The following STARD13 variants were observed in gnomAD, a reference collection of about 807,000 sequenced individuals.
The protein encoded by STARD13 is StAR related lipid transfer domain containing 13.
A neutral mutation model predicts 106.4 loss-of-function variants in STARD13; 62 were observed. That is an observed-to-expected ratio of 0.58 (90% confidence interval 0.48 to 0.72). STARD13 has a LOEUF of 0.72. STARD13 is among the 30% of genes least tolerant of loss of function. The pLI is 0.00. For missense variants in STARD13, 1,387 were observed against 1,424.0 expected (o/e 0.97, Z 0.42); for synonymous variants, 565 against 553.0 (o/e 1.02, Z -0.31).
rs146942116 is a variant in STARD13, at chr13:33,187,636, TA to T, written c.170-20015del. ...TAATAAAAGGATATTTTTACTATGG[TA>T]AAAAAAAAATTAAATGAAGCATCTT... On this transcript the variant is annotated intron_variant, in intron 1 of 13. Transcript: ENST00000336934. Among the ~76,000 whole-genome samples the T allele has an allele frequency of 3.6e-3, 542 of 150,226 alleles. 4 individuals carry two copies. The highest frequency in any genetic ancestry group is 6.8e-3 in the African/African-American group (280 of 40,934).
At chr13:33,301,089 T>G (rs559536951) in intron 1 of STARD13, among the ~76,000 whole-genome samples, 1 of 152,366 alleles carries the variant, frequency 6.6e-6, no homozygotes, top group South Asian at 2.1e-4. Flanking sequence ...TTGATTAATA[T>G]CTGTCTATTC....
chr13:33,447,590 G>A, the STARD13 span, among the ~76,000 whole-genome samples: 2 of 152,092 alleles, frequency 1.3e-5, no homozygotes. Context: ...ATGCTTATCT[G>A]GAAGCATCAG....
chr13:33,565,854 A>G, the STARD13 span, among the ~76,000 whole-genome samples: 922 of 148,618 alleles, frequency 6.2e-3, 87 homozygotes, highest in African/African-American at 0.022. Flanking sequence ...GTTGAAATCA[A>G]TGTCACCTTC....
At chr13:33,649,407 C>T in the STARD13 span, among the ~76,000 whole-genome samples, 1 of 152,162 alleles carries the variant, frequency 6.6e-6, no homozygotes, top group African/African-American at 2.4e-5. Flanking sequence ...CCTTCTACCT[C>T]CCACATCCCC....
chr13:33,653,501 TA>T, the STARD13 span, among the ~76,000 whole-genome samples: 1 of 152,176 alleles, frequency 6.6e-6, no homozygotes, highest in Non-Finnish European at 1.5e-5. Context: ...GTTGGAAAAC[TA>T]GTTTATATTA....
chr13:33,459,220 C>T, the STARD13 span, among the ~76,000 whole-genome samples: 1 of 152,166 alleles, frequency 6.6e-6, no homozygotes, highest in Non-Finnish European at 1.5e-5. Flanking sequence ...CAAAAGTTTC[C>T]TCATGCCCCT....
intron 1 of STARD13, chr13:33,205,844 T>C (rs1887380686): frequency 1.0e-6 from 1 of 985,320 alleles, no homozygotes; most frequent in African/African-American, 1.7e-5. Flanking sequence ...CCTTAGGCTG[T>C]GCTGTACCTT....
At chr13:33,301,786 T>C (rs1312006898) in intron 1 of STARD13, among the ~76,000 whole-genome samples, 1 of 152,078 alleles carries the variant, frequency 6.6e-6, no homozygotes, top group East Asian at 1.9e-4. Flanking sequence ...GCCAGGATGG[T>C]CTCGATCTCC....
chr13:33,254,971 T>C (rs921277861), intron 1 of STARD13, among the ~76,000 whole-genome samples: 7 of 152,282 alleles, frequency 4.6e-5, no homozygotes, highest in South Asian at 4.1e-4. Flanking sequence ...ACTGGCCCTC[T>C]GCCCTTGAGA....
intron 1 of STARD13, among the ~76,000 whole-genome samples, chr13:33,218,631 A>C (rs1452728273): frequency 6.6e-6 from 1 of 152,204 alleles, no homozygotes; most frequent in African/African-American, 2.4e-5. Context: ...ATTTCACTTC[A>C]TTTGTCTGAC....
At chr13:33,659,227 T>TC in the STARD13 span, among the ~76,000 whole-genome samples, 2 of 51,596 alleles carry the variant, frequency 3.9e-5, no homozygotes, top group South Asian at 1.6e-3. Context: ...TTTCTTTTTT[T>TC]TTTTTTTTTA....
intron 1 of STARD13, chr13:33,335,414 C>T (rs1341815230): frequency 6.6e-6 from 1 of 152,210 alleles, no homozygotes; most frequent in Non-Finnish European, 1.5e-5. Flanking sequence ...TCCATGCTGT[C>T]ACTACGACAC....
intron 4 of STARD13, among the ~76,000 whole-genome samples, chr13:33,134,460 CTG>C (rs1204637551): frequency 6.6e-6 from 1 of 152,140 alleles, no homozygotes; most frequent in African/African-American, 2.4e-5. Context: ...GACTAAAAGA[CTG>C]TAAATAACTG....
At chr13:33,434,664 G>GGT in the STARD13 span, among the ~76,000 whole-genome samples, 1 of 151,684 alleles carries the variant, frequency 6.6e-6, no homozygotes, top group Non-Finnish European at 1.5e-5. Flanking sequence ...GTGCAAAGAG[G>GGT]GCCACAAAGC....
Position 33,127,427 on chromosome 13 carries a change from C to T in STARD13, c.1868G>A (p.Arg623His), listed in dbSNP as rs1566003840. ...GTGCTTCTCCATGATGGCCGTGAGG[C>T]GGAGCAGTGAGAAGCGCTGGAGCAG... ...LSLLQRFSLL[R>H]LTAIMEKHSM... The change falls in exon 6 of 14, where the codon CGC becomes CAC. Residue 623 changes from arginine (R) to histidine (H), a missense_variant. Coordinates refer to ENST00000336934, the MANE Select transcript of STARD13 (RefSeq NM_178006.4). The T allele has an allele frequency of 4.4e-6, 7 of 1,604,914 alleles. No homozygotes were observed. Among genetic ancestry groups the T allele is most frequent in the African/African-American group, 2.7e-5 (2 of 74,664 alleles).
the STARD13 span, among the ~76,000 whole-genome samples, chr13:33,522,708 C>G: frequency 0.051 from 7,733 of 152,222 alleles, 667 homozygotes; most frequent in African/African-American, 0.17. Context: ...TACAAAAGCT[C>G]TCTTGTGTAT....
chr13:33,577,818 G>A, the STARD13 span, among the ~76,000 whole-genome samples: 2 of 152,064 alleles, frequency 1.3e-5, no homozygotes, highest in Non-Finnish European at 2.9e-5. Flanking sequence ...TGACTTTTTA[G>A]ATACAAAGCC....
chr13:33,370,964 G>T, the STARD13 span, among the ~76,000 whole-genome samples: 3 of 151,260 alleles, frequency 2.0e-5, no homozygotes, highest in Admixed American at 2.0e-4. Flanking sequence ...TAATTTCAAA[G>T]AAATAGTTAG....
chr13:33,209,043 A>T (rs1887571294), intron 1 of STARD13, among the ~76,000 whole-genome samples: 1 of 152,220 alleles, frequency 6.6e-6, no homozygotes, highest in South Asian at 2.1e-4. Context: ...GCTAGTGGTC[A>T]GGAAGTATGC....
Sources: gnomAD v4.1 joint callset for allele counts (sites outside exome capture counted in the v4.1 genomes callset) on GRCh38, gnomAD v4.1.1 for gene constraint, MANE v1.5 for transcripts, NCBI Gene and HGNC (gene_info 2026-07-23, HGNC 2026-07-21) for gene names.